The following ROBO1 variants were observed in gnomAD, a reference collection of about 807,000 sequenced individuals.
ROBO1 encodes roundabout guidance receptor 1.
A neutral mutation model predicts 195.9 loss-of-function variants in ROBO1; 149 were observed. The ratio of observed to expected loss-of-function variants is 0.76; its 90% CI spans 0.67 to 0.87. The LOEUF (loss-of-function observed/expected upper bound fraction) is 0.87. ROBO1 is among the 40% of genes least tolerant of loss of function. The pLI, the probability that ROBO1 is intolerant of heterozygous loss-of-function variation, is 0.00. For synonymous variants in ROBO1, 816 were observed against 733.2 expected (o/e 1.11, Z -1.82); for missense variants, 1,933 against 2,068.3 (o/e 0.93, Z 1.27).
At chr3:78,978,122 G>A (rs1251914761) in intron 3 of ROBO1, among the ~76,000 whole-genome samples, 1 of 151,994 alleles carries the variant, frequency 6.6e-6, no homozygotes, top group Non-Finnish European at 1.5e-5. Flanking sequence ...AAAATTATCA[G>A]ATTGAATTGA....
chr3:79,567,327 A>T (rs1236114853), intron 2 of ROBO1, among the ~76,000 whole-genome samples: 1 of 152,120 alleles, frequency 6.6e-6, no homozygotes, highest in East Asian at 1.9e-4. Context: ...TCTGCACAAC[A>T]AACCACCAGG....
intron 3 of ROBO1, among the ~76,000 whole-genome samples, chr3:79,083,919 TAA>T (rs939136384): frequency 6.6e-6 from 1 of 152,180 alleles, no homozygotes; most frequent in Non-Finnish European, 1.5e-5. Context: ...TTTGTTGCCA[TAA>T]GTCACTCCTT....
At chr3:79,058,457 T>C (rs548320670) in intron 3 of ROBO1, among the ~76,000 whole-genome samples, 1 of 152,146 alleles carries the variant, frequency 6.6e-6, no homozygotes, top group African/African-American at 2.4e-5. Flanking sequence ...ACTTTGGACA[T>C]TGGCTATTGC....
intron 27 of ROBO1, 127 bp downstream of exon 27, chr3:78,617,506 TAA>T (rs373038212): frequency 4.5e-3 from 3,244 of 717,792 alleles, no homozygotes; most frequent in South Asian, 0.01. Flanking sequence ...CTTAGGCAGC[TAA>T]AAAAAAAAAA....
chr3:78,637,644 G>C (rs372363603), intron 22 of ROBO1, among the ~76,000 whole-genome samples: 4 of 152,072 alleles, frequency 2.6e-5, no homozygotes, highest in Non-Finnish European at 4.4e-5. Flanking sequence ...AATGGGTATC[G>C]CCATTTTTTC....
At chr3:78,610,465 C>T (rs367733532) in intron 28 of ROBO1, among the ~76,000 whole-genome samples, 5 of 152,064 alleles carry the variant, frequency 3.3e-5, no homozygotes, top group East Asian at 1.9e-4. Context: ...GAACATACCA[C>T]GAAGCAGAGA....
chr3:78,643,989 T>C (rs554520217), intron 21 of ROBO1, among the ~76,000 whole-genome samples: 128 of 152,010 alleles, frequency 8.4e-4, no homozygotes, highest in African/African-American at 2.7e-3. Context: ...CTATGTGAGG[T>C]AGGAGGTCCA....
At chr3:79,206,385 G>A (rs1484371509) in intron 2 of ROBO1, among the ~76,000 whole-genome samples, 1 of 152,198 alleles carries the variant, frequency 6.6e-6, no homozygotes, top group Non-Finnish European at 1.5e-5. Context: ...GAGCCATACA[G>A]TGTTTCTTTG....
chr3:78,609,350 T>C (rs1302357060), intron 28 of ROBO1, among the ~76,000 whole-genome samples: 1 of 152,106 alleles, frequency 6.6e-6, no homozygotes, highest in Admixed American at 6.6e-5. Flanking sequence ...CTGAAGTTGT[T>C]TATAAAGCAG....
chr3:78,924,117 T>C (rs1341585936), intron 4 of ROBO1, among the ~76,000 whole-genome samples: 1 of 152,170 alleles, frequency 6.6e-6, no homozygotes, highest in Non-Finnish European at 1.5e-5. Context: ...AAACATGATG[T>C]ATAGCTATGA....
chr3:79,112,186 G>A (rs2079898995), intron 3 of ROBO1, among the ~76,000 whole-genome samples: 1 of 151,996 alleles, frequency 6.6e-6, no homozygotes, highest in African/African-American at 2.4e-5. Flanking sequence ...TATTTTTATT[G>A]GGCAGCTCTG....
intron 1 of ROBO1, among the ~76,000 whole-genome samples, chr3:79,639,288 A>G (rs1945587586): frequency 6.6e-6 from 1 of 152,180 alleles, no homozygotes; most frequent in Non-Finnish European, 1.5e-5. Context: ...CATATGAGAC[A>G]TGCATTTTCA....
At chr3:79,125,667 G>T in intron 2 of ROBO1, 128 bp from the exon 3 acceptor site, 1 of 701,628 alleles carries the variant, frequency 1.4e-6, no homozygotes, top group Non-Finnish European at 2.6e-6. Context: ...ACAACACACA[G>T]CACGCTTCAT....
chr3:79,337,170 G>A (rs2034707644), intron 2 of ROBO1, among the ~76,000 whole-genome samples: 1 of 152,122 alleles, frequency 6.6e-6, no homozygotes, highest in Non-Finnish European at 1.5e-5. Context: ...GGACTTTTGA[G>A]TTAATGCTGA....
chr3:78,761,802 T>G (rs1049233806), intron 4 of ROBO1, among the ~76,000 whole-genome samples: 2 of 152,162 alleles, frequency 1.3e-5, no homozygotes, highest in African/African-American at 4.8e-5. Flanking sequence ...CGATCATTCA[T>G]TTTGGCAAAA....
chr3:79,533,040 C>G (rs994420038), intron 2 of ROBO1: 3 of 410,628 alleles, frequency 7.3e-6, no homozygotes, highest in Non-Finnish European at 1.4e-5. Flanking sequence ...TCCTTTAAAC[C>G]ATTAAAAAGG....
chr3:78,701,382 C>A (rs1043340303), intron 8 of ROBO1, among the ~76,000 whole-genome samples: 4 of 152,104 alleles, frequency 2.6e-5, no homozygotes, highest in African/African-American at 9.7e-5. Context: ...CAATTCCGTG[C>A]CTGAAAAGCG....
chr3:78,768,402 TA>T (rs1010925579), intron 4 of ROBO1, among the ~76,000 whole-genome samples: 1 of 151,966 alleles, frequency 6.6e-6, no homozygotes, highest in East Asian at 1.9e-4. Context: ...TTATAAACTT[TA>T]AAAAAATATA....
In ROBO1 at chr3:79,466,456, C is replaced by T. The variant is rs552133423; in HGVS notation, c.88+123368G>A. On this transcript the variant is annotated intron_variant, in intron 2 of 30. Coordinates refer to ENST00000464233, the MANE Select transcript of ROBO1 (RefSeq NM_002941.4). The stretch of plus-strand genomic sequence containing the variant: ...TCGAATGACAAAGAGATCGATACAG[C>T]TCATTTCACAAGTTAAATGAGCTAG... Among the ~76,000 whole-genome samples, 392 of 152,282 alleles carry T rather than the reference C, an allele frequency of 2.6e-3. 2 individuals are homozygous for T. Among genetic ancestry groups the T allele is most frequent in the African/African-American group, 8.1e-3 (337 of 41,578 alleles).
Sources: gnomAD v4.1 joint callset for allele counts (sites outside exome capture counted in the v4.1 genomes callset) on GRCh38, gnomAD v4.1.1 for gene constraint, MANE v1.5 for transcripts, NCBI Gene and HGNC (gene_info 2026-07-23, HGNC 2026-07-21) for gene names.